EYS: variants seen among roughly 807,000 people sequenced by gnomAD.
The protein encoded by EYS is EGF-like photoreceptor maintenance factor.
A neutral mutation model predicts 282.1 loss-of-function variants in EYS; 250 were observed. The observed-to-expected ratio is 0.89, with a 90% confidence interval of 0.80 to 0.98. The LOEUF is 0.98. EYS is among the 50% of genes least tolerant of loss of function. EYS has a pLI of 0.00. For synonymous variants in EYS, 1,355 were observed against 1,282.9 expected (o/e 1.06, Z -1.20); for missense variants, 4,016 against 3,709.0 (o/e 1.08, Z -2.15).
intron 5 of EYS, 182 bp downstream of exon 5, chr6:65,490,412 A>C (rs1484974162): frequency 2.0e-6 from 1 of 511,746 alleles, no homozygotes; most frequent in African/African-American, 1.9e-5. Context: ...ATTTAGCAGT[A>C]ATATGATTTA....
intron 36 of EYS, among the ~76,000 whole-genome samples, chr6:63,832,109 A>G (rs1265771159): frequency 6.6e-6 from 1 of 152,204 alleles, no homozygotes; most frequent in Non-Finnish European, 1.5e-5. Context: ...CCACAAAAGA[A>G]AGCAGGAAAG....
intron 12 of EYS, among the ~76,000 whole-genome samples, chr6:65,202,985 T>C (rs1052082118): frequency 6.6e-6 from 1 of 152,096 alleles, no homozygotes; most frequent in Admixed American, 6.5e-5. Context: ...GGCTGCCAGC[T>C]CACCAGACCC....
chr6:63,962,894 T>C (rs1582039889), intron 35 of EYS, among the ~76,000 whole-genome samples: 2 of 151,942 alleles, frequency 1.3e-5, no homozygotes, highest in South Asian at 4.2e-4. Flanking sequence ...ATTAAGAAAA[T>C]GTGGCACATA....
chr6:64,281,015 A>C (rs9784859), intron 30 of EYS, among the ~76,000 whole-genome samples: 3,209 of 152,208 alleles, frequency 0.021, 109 homozygotes, highest in African/African-American at 0.073. Context: ...GGATAGGAAT[A>C]TTTTTATTAA....
chr6:64,341,089 A>C (rs991322229), intron 29 of EYS, among the ~76,000 whole-genome samples: 14 of 151,812 alleles, frequency 9.2e-5, no homozygotes, highest in Non-Finnish European at 1.8e-4. Flanking sequence ...TGCAGAGAAA[A>C]GGGAATGCTT....
chr6:65,217,058 C>A (rs932288575), intron 12 of EYS, among the ~76,000 whole-genome samples: 6 of 151,910 alleles, frequency 3.9e-5, no homozygotes, highest in Admixed American at 1.3e-4. Context: ...TACTTATGGT[C>A]CATTAAGCAA....
chr6:64,210,111 T>A (rs1334417559), intron 31 of EYS, among the ~76,000 whole-genome samples: 1 of 152,262 alleles, frequency 6.6e-6, no homozygotes, highest in African/African-American at 2.4e-5. Flanking sequence ...TGATTAATGC[T>A]GCTCTGATTT....
chr6:63,815,968 A>G (rs1185916111), intron 36 of EYS, among the ~76,000 whole-genome samples: 3 of 152,180 alleles, frequency 2.0e-5, no homozygotes, highest in Non-Finnish European at 2.9e-5. Context: ...CAGGGATACT[A>G]TAGGGAAAAC....
chr6:63,873,222 A>T (rs1013187431), intron 35 of EYS, among the ~76,000 whole-genome samples: 8 of 145,246 alleles, frequency 5.5e-5, no homozygotes, highest in African/African-American at 2.0e-4. Flanking sequence ...CTTATTGTTT[A>T]ATTCCCACCT....
At chr6:63,788,943 C>A in intron 38 of EYS, 115 bp downstream of exon 38, 1 of 1,032,878 alleles carries the variant, frequency 9.7e-7, no homozygotes, top group Non-Finnish European at 1.4e-6. Context: ...GTACAATAGT[C>A]TGTGAACTTC....
At chr6:64,839,748 A>T (rs1019063256) in intron 19 of EYS, among the ~76,000 whole-genome samples, 1 of 152,116 alleles carries the variant, frequency 6.6e-6, no homozygotes. Context: ...TTTCAAGACG[A>T]TGCCTTGTTG....
chr6:64,437,722 G>A (rs1038166682), intron 27 of EYS, among the ~76,000 whole-genome samples: 18 of 149,788 alleles, frequency 1.2e-4, no homozygotes, highest in African/African-American at 4.1e-4. Flanking sequence ...TATATATGAA[G>A]GCTATGAAGG....
chr6:63,747,642 T>A (rs1214598915), intron 41 of EYS, among the ~76,000 whole-genome samples: 1 of 152,142 alleles, frequency 6.6e-6, no homozygotes, highest in Non-Finnish European at 1.5e-5. Context: ...GCATTGGGTG[T>A]ATAAATACTT....
At chr6:64,557,556 C>T (rs1388830473) in intron 26 of EYS, among the ~76,000 whole-genome samples, 1 of 151,762 alleles carries the variant, frequency 6.6e-6, no homozygotes, top group Non-Finnish European at 1.5e-5. Context: ...ATGGTCTAGT[C>T]ATTCTAGAAA....
At chr6:64,438,114 T>G (rs1774812997) in intron 27 of EYS, among the ~76,000 whole-genome samples, 1 of 151,724 alleles carries the variant, frequency 6.6e-6, no homozygotes, top group African/African-American at 2.4e-5. Context: ...GAGCATGCAC[T>G]TTCAAATGAA....
chr6:64,945,602 G>T (rs1423975317), intron 15 of EYS, among the ~76,000 whole-genome samples, 191 bp downstream of exon 15: 1 of 152,030 alleles, frequency 6.6e-6, no homozygotes, highest in African/African-American at 2.4e-5. Context: ...TTTATACTTT[G>T]TTGACATCTG....
At chr6:64,044,212 C>T (rs1281718598) in intron 33 of EYS, among the ~76,000 whole-genome samples, 1 of 152,112 alleles carries the variant, frequency 6.6e-6, no homozygotes, top group East Asian at 1.9e-4. Context: ...TTCTATCTTC[C>T]GTTTTATGCT....
intron 13 of EYS, among the ~76,000 whole-genome samples, chr6:65,027,010 T>G (rs1473149181): frequency 7.1e-6 from 1 of 141,690 alleles, no homozygotes; most frequent in East Asian, 2.1e-4. Flanking sequence ...CTCTTGCCTA[T>G]TTGTAATGTG....
intron 31 of EYS, among the ~76,000 whole-genome samples, chr6:64,165,372 T>C (rs1764258857): frequency 6.6e-6 from 1 of 152,094 alleles, no homozygotes; most frequent in African/African-American, 2.4e-5. Flanking sequence ...AGATTTTATT[T>C]GAATAAGTTT....
Sources: gnomAD v4.1 joint callset for allele counts (sites outside exome capture counted in the v4.1 genomes callset) on GRCh38, gnomAD v4.1.1 for gene constraint, MANE v1.5 for transcripts, NCBI Gene and HGNC (gene_info 2026-07-23, HGNC 2026-07-21) for gene names.